FGD6: variants seen among roughly 807,000 people sequenced by gnomAD.
The protein encoded by FGD6 is FYVE, RhoGEF and PH domain containing 6.
Under a neutral mutation model 149.4 loss-of-function variants are expected in FGD6, and 90 were observed. The ratio of observed to expected loss-of-function variants is 0.60; its 90% CI spans 0.51 to 0.72. FGD6 has a LOEUF of 0.72. Among genes scored for constraint, FGD6 ranks in the 30% least tolerant of loss-of-function variants. FGD6 has a pLI of 0.00. For synonymous variants in FGD6, 527 were observed against 584.0 expected (o/e 0.90, Z 1.41); for missense variants, 1,437 against 1,684.8 (o/e 0.85, Z 2.57).
At chr12:95,169,562 A>T (rs1880927994) in intron 3 of FGD6, among the ~76,000 whole-genome samples, 1 of 152,186 alleles carries the variant, frequency 6.6e-6, no homozygotes, top group Admixed American at 6.5e-5. Context: ...AGGCGGTGTT[A>T]TCACAGGATG....
intron 3 of FGD6, among the ~76,000 whole-genome samples, chr12:95,160,571 G>A (rs1431106242): frequency 6.6e-6 from 1 of 152,166 alleles, no homozygotes; most frequent in Non-Finnish European, 1.5e-5. Context: ...CCATGCCCAG[G>A]TGCAACTGTT....
rs771422474 is a variant in FGD6 at position 95,105,036 on chromosome 12, A to G, written c.3468T>C (p.Ser1156=). The change falls in exon 14 of 21, where the codon AGT becomes AGC. Residue 1156 remains serine, a synonymous_variant. Transcript: ENST00000343958. ...EAYQNELKIE[S]VERSFILSAS... is the part of the protein sequence containing the mutation. ...CTGAGAGAATGAAGGAACGTTCTAC[A>G]CTTTCAATCTTTAATTCATTCTGAT... 1 of 1,607,570 alleles carries G rather than the reference A, an allele frequency of 6.2e-7. No homozygotes were observed. Among genetic ancestry groups the G allele is most frequent in the East Asian group, 2.2e-5 (1 of 44,792 alleles).
intron 8 of FGD6, among the ~76,000 whole-genome samples, chr12:95,114,318 G>C (rs1000313058): frequency 2.0e-5 from 3 of 152,048 alleles, no homozygotes; most frequent in Non-Finnish European, 4.4e-5. Flanking sequence ...AGAAGTCAGA[G>C]ATGCAGACTG....
intron 2 of FGD6, among the ~76,000 whole-genome samples, 153 bp downstream of exon 2, chr12:95,208,690 T>A (rs796616754): frequency 6.6e-6 from 1 of 152,218 alleles, no homozygotes; most frequent in African/African-American, 2.4e-5. Context: ...TCCAACTGTA[T>A]GCTAAAAGGA....
At chr12:95,203,669 T>C (rs1307354219) in intron 2 of FGD6, among the ~76,000 whole-genome samples, 1 of 132,250 alleles carries the variant, frequency 7.6e-6, no homozygotes, top group Non-Finnish European at 1.6e-5. Flanking sequence ...GCTTGACATA[T>C]GGTCAGTATC....
intron 3 of FGD6, among the ~76,000 whole-genome samples, chr12:95,172,184 T>C (rs1210152076): frequency 6.6e-6 from 1 of 152,170 alleles, no homozygotes; most frequent in Non-Finnish European, 1.5e-5. Context: ...GAGGCCAGCC[T>C]GGCCAACATA....
intron 14 of FGD6, among the ~76,000 whole-genome samples, chr12:95,101,212 C>A (rs1019253777): frequency 6.6e-6 from 1 of 150,876 alleles, no homozygotes; most frequent in Non-Finnish European, 1.5e-5. Flanking sequence ...CCGGGCATGG[C>A]GGCGCACCCC....
intron 2 of FGD6, among the ~76,000 whole-genome samples, chr12:95,203,568 T>C (rs1162741953): frequency 6.6e-6 from 1 of 152,220 alleles, no homozygotes; most frequent in Non-Finnish European, 1.5e-5. Flanking sequence ...AGACAACTAA[T>C]TAGTAAAACC....
At position 95,089,705 on chromosome 12, in the gene FGD6, A is replaced by G. The variant is rs772963480; in HGVS notation, c.3851-9T>C. On this transcript the variant is annotated splice_polypyrimidine_tract_variant and intron_variant, in intron 17 of 20. Transcript: ENST00000343958. ...AGGGGAGTGCTGGTGATCTAGAACA[A>G]ATCAGGCATGCTTATGTAGGCAATG... The G allele has an allele frequency of 1.2e-6, 2 of 1,612,780 alleles. No individual in the cohort carries two copies. Among genetic ancestry groups the G allele is most frequent in the Non-Finnish European group, 1.7e-6 (2 of 1,179,354 alleles).
At chr12:95,138,342 G>C (rs1238492485) in intron 6 of FGD6, among the ~76,000 whole-genome samples, 1 of 151,886 alleles carries the variant, frequency 6.6e-6, no homozygotes. Context: ...TCAGGAGTTT[G>C]AGACCAGCCT....
In FGD6 at chr12:95,077,748, T is replaced by C. The variant is rs1385930983; in HGVS notation, c.*3772A>G. 6.6e-6 allele frequency: 1 copy of C among 152,220 alleles called. No homozygotes were observed. Among genetic ancestry groups the C allele is most frequent in the Non-Finnish European group, 1.5e-5 (1 of 68,038 alleles). 9.4% of individuals were successfully genotyped at this position (152,220 alleles called of 1,614,324 possible). A position where few individuals can be genotyped will look rare whatever the true frequency, so the allele number is the denominator to read the frequency against. On this transcript the variant is annotated 3_prime_UTR_variant, in exon 21 of 21. Transcript: ENST00000343958. Reference sequence around the variant, plus strand: ...GAGGATGGAAAGGATACTTGAGTAATTGCAGAGTCTTGTTGAGAGTTAGAG... The same window carrying C: ...GAGGATGGAAAGGATACTTGAGTAACTGCAGAGTCTTGTTGAGAGTTAGAG...
intron 2 of FGD6, among the ~76,000 whole-genome samples, chr12:95,174,029 A>G (rs1421991424): frequency 6.6e-6 from 1 of 152,226 alleles, no homozygotes; most frequent in Non-Finnish European, 1.5e-5. Context: ...TCACTGCTAA[A>G]GACGGGGTTT....
intron 9 of FGD6, among the ~76,000 whole-genome samples, chr12:95,111,618 C>A (rs969367140): frequency 3.9e-5 from 6 of 152,144 alleles, no homozygotes; most frequent in Non-Finnish European, 7.3e-5. Flanking sequence ...AGCTTCCCTG[C>A]CTCTTTAACC....
At chr12:95,207,566 G>GCGACTATGGAGAGAAGGAAGC (rs1207816982) in intron 2 of FGD6, among the ~76,000 whole-genome samples, 2 of 152,148 alleles carry the variant, frequency 1.3e-5, no homozygotes, top group African/African-American at 4.8e-5. Flanking sequence ...AGCTACCTAT[G>GCGACTATGGAGAGAAGGAAGC]CGACTATGGA....
At chr12:95,150,996 G>A (rs1017549291) in intron 5 of FGD6, among the ~76,000 whole-genome samples, 2 of 152,010 alleles carry the variant, frequency 1.3e-5, no homozygotes, top group Non-Finnish European at 2.9e-5. Flanking sequence ...AGGAGGCTGA[G>A]ATGGGAGGAT....
intron 2 of FGD6, among the ~76,000 whole-genome samples, chr12:95,188,953 A>G (rs1010809245): frequency 2.8e-4 from 42 of 152,190 alleles, no homozygotes; most frequent in African/African-American, 9.7e-4. Context: ...GATTACAGCA[A>G]TAGTTTTTGG....
intron 17 of FGD6, among the ~76,000 whole-genome samples, chr12:95,090,567 TGAG>T (rs922587661): frequency 3.9e-5 from 6 of 152,126 alleles, no homozygotes; most frequent in African/African-American, 1.4e-4. Flanking sequence ...GTATAGGTGA[TGAG>T]GAAGGAGAAT....
rs1555215606 is a variant in FGD6, at chr12:95,083,030, TAC to T, written c.4256+1466_4256+1467del. 7.6e-4 allele frequency among the ~76,000 whole-genome samples: 43 copies of T among 56,584 alleles called. 1 individual carries two copies. The highest frequency in any genetic ancestry group is 3.2e-3 in the African/African-American group (39 of 12,354). 37.1% of individuals were successfully genotyped at this position (56,584 alleles called of 152,430 possible). A position where few individuals can be genotyped will look rare whatever the true frequency, so the allele number is the denominator to read the frequency against. Reference sequence around the variant, plus strand: ...AAAAAAAAATATATATATATATATATACACACACATACACACACACACACACA... The same window carrying T: ...AAAAAAAAATATATATATATATATATACACACATACACACACACACACACA... On this transcript the variant is annotated intron_variant, in intron 20 of 20. Coordinates refer to ENST00000343958, the MANE Select transcript of FGD6 (RefSeq NM_018351.4).
chr12:95,215,527 A>G (rs775403295), intron 1 of FGD6, among the ~76,000 whole-genome samples: 1 of 152,210 alleles, frequency 6.6e-6, no homozygotes. Flanking sequence ...ATTATGATAA[A>G]TCCAACAGAT....
Sources: gnomAD v4.1 joint callset for allele counts (sites outside exome capture counted in the v4.1 genomes callset) on GRCh38, gnomAD v4.1.1 for gene constraint, MANE v1.5 for transcripts, NCBI Gene and HGNC (gene_info 2026-07-23, HGNC 2026-07-21) for gene names.